AGBL4: variants seen among roughly 807,000 people sequenced by gnomAD.
AGBL4 encodes cytosolic carboxypeptidase 6.
In AGBL4, 58 loss-of-function variants were observed where a neutral mutation model predicts 66.4. That is an observed-to-expected ratio of 0.87 (90% confidence interval 0.71 to 1.09). AGBL4 has a LOEUF of 1.09. Ranked by LOEUF, AGBL4 falls within the 50% of genes least tolerant of loss-of-function variation. The pLI is 0.00. For synonymous variants in AGBL4, 234 were observed against 222.9 expected, an observed-to-expected ratio of 1.05 and a Z score of -0.44; for missense variants, 579 against 631.0, an observed-to-expected ratio of 0.92 and a Z score of 0.88.
chr1:48,627,514 G>A (rs1645524086), intron 9 of AGBL4, among the ~76,000 whole-genome samples: 1 of 151,334 alleles, frequency 6.6e-6, no homozygotes, highest in Admixed American at 6.6e-5. Flanking sequence ...TCAAGTAAAT[G>A]TGTTATAATT....
intron 3 of AGBL4, among the ~76,000 whole-genome samples, chr1:49,543,359 T>C (rs535035371): frequency 6.6e-6 from 1 of 152,194 alleles, no homozygotes; most frequent in Admixed American, 6.5e-5. Context: ...CCCTTCTCTA[T>C]TCCTTACAAC....
intron 5 of AGBL4, among the ~76,000 whole-genome samples, chr1:49,009,172 G>C (rs1188745944): frequency 1.3e-5 from 2 of 151,616 alleles, no homozygotes; most frequent in African/African-American, 4.8e-5. Flanking sequence ...TCAAATAGAC[G>C]CAATAAAAAA....
At chr1:48,959,669 A>C (rs1026257590) in intron 5 of AGBL4, among the ~76,000 whole-genome samples, 4 of 152,202 alleles carry the variant, frequency 2.6e-5, no homozygotes. Context: ...CTTTGAGCAG[A>C]GACATGAAGA....
chr1:49,167,087 C>T (rs1380683597), intron 4 of AGBL4, among the ~76,000 whole-genome samples: 1 of 152,238 alleles, frequency 6.6e-6, no homozygotes, highest in Non-Finnish European at 1.5e-5. Flanking sequence ...AGTTTTCCTA[C>T]AAAAAGCTTT....
chr1:49,192,315 C>T lies in AGBL4; in HGVS notation c.377+53455G>A, dbSNP rs929884414. The stretch of plus-strand genomic sequence containing the variant: ...TATAAATTTATTTATTTATTTATTT[C>T]GAGATGGAGTTTCACTCTTGTTGCC... On this transcript the variant is annotated intron_variant, in intron 4 of 13. Coordinates refer to ENST00000371839, the MANE Select transcript of AGBL4 (RefSeq NM_032785.4). Among the ~76,000 whole-genome samples the T allele has an allele frequency of 8.6e-5, 13 of 152,004 alleles. No individual in the cohort carries two copies. In the South Asian group the frequency reaches 1.7e-3, roughly 19 times the overall value.
At chr1:49,204,974 T>C (rs964727318) in intron 4 of AGBL4, among the ~76,000 whole-genome samples, 1 of 152,108 alleles carries the variant, frequency 6.6e-6, no homozygotes, top group African/African-American at 2.4e-5. Context: ...TGTCTCCTGA[T>C]GCTTTATCAC....
chr1:48,609,507 G>A (rs2148377753), intron 9 of AGBL4, among the ~76,000 whole-genome samples: 1 of 152,244 alleles, frequency 6.6e-6, no homozygotes, highest in Middle Eastern at 3.4e-3. Context: ...CTGCAGCCTT[G>A]ACCTCCTGGG....
At chr1:49,095,526 A>G (rs1645080587) in intron 4 of AGBL4, among the ~76,000 whole-genome samples, 1 of 152,240 alleles carries the variant, frequency 6.6e-6, no homozygotes, top group Admixed American at 6.5e-5. Flanking sequence ...GCCTTCAGAA[A>G]TAATGCAACA....
intron 2 of AGBL4, among the ~76,000 whole-genome samples, chr1:49,700,846 A>G (rs900770374): frequency 1.3e-5 from 2 of 152,182 alleles, no homozygotes; most frequent in South Asian, 4.1e-4. Flanking sequence ...ATAAAGATCA[A>G]TGATCCATGC....
At chr1:49,434,673 T>C (rs1645861178) in intron 3 of AGBL4, among the ~76,000 whole-genome samples, 3 of 151,378 alleles carry the variant, frequency 2.0e-5, no homozygotes, top group Admixed American at 2.0e-4. Flanking sequence ...GTGGTGGTGG[T>C]AGTGGTGGTA....
chr1:49,143,702 G>T (rs1181142819), intron 4 of AGBL4, among the ~76,000 whole-genome samples: 5 of 152,142 alleles, frequency 3.3e-5, no homozygotes, highest in African/African-American at 4.8e-5. Flanking sequence ...GTAACTCACA[G>T]ATCTCCTCAG....
chr1:49,734,042 A>T (rs893857135), intron 2 of AGBL4, among the ~76,000 whole-genome samples: 1 of 152,184 alleles, frequency 6.6e-6, no homozygotes, highest in African/African-American at 2.4e-5. Context: ...TAATAAGACC[A>T]TTTCAACAAA....
intron 2 of AGBL4, among the ~76,000 whole-genome samples, chr1:49,700,360 G>T (rs981020589): frequency 1.3e-5 from 2 of 151,394 alleles, no homozygotes; most frequent in African/African-American, 4.8e-5. Flanking sequence ...GATCTTTAAA[G>T]TATGTAAGTA....
At chr1:49,490,331 A>G (rs1647163549) in intron 3 of AGBL4, among the ~76,000 whole-genome samples, 1 of 151,810 alleles carries the variant, frequency 6.6e-6, no homozygotes, top group Non-Finnish European at 1.5e-5. Context: ...TAAATTAAAC[A>G]GTAATTAATG....
intron 5 of AGBL4, among the ~76,000 whole-genome samples, chr1:49,037,462 T>C (rs1341991400): frequency 6.6e-6 from 1 of 152,094 alleles, no homozygotes; most frequent in Non-Finnish European, 1.5e-5. Flanking sequence ...ACAGTCCAAA[T>C]TCTTTAATTC....
chr1:49,922,179 A>C lies in AGBL4; in HGVS notation c.35-70661T>G, dbSNP rs374951075. Reference sequence around the variant, plus strand: ...ATTGATTTGCCTATAGTGAACCAAGAATCCTGGGGATAAAGCCTACTTGAT... The same window carrying C: ...ATTGATTTGCCTATAGTGAACCAAGCATCCTGGGGATAAAGCCTACTTGAT... On this transcript the variant is annotated intron_variant, in intron 1 of 13. Coordinates refer to ENST00000371839, the MANE Select transcript of AGBL4 (RefSeq NM_032785.4). 2.8e-3 allele frequency among the ~76,000 whole-genome samples: 424 copies of C among 152,308 alleles called. 3 individuals are homozygous for C. Among genetic ancestry groups the C allele is most frequent in the South Asian group, 9.9e-3 (48 of 4,830 alleles).
At chr1:49,471,130 A>C (rs1395128622) in intron 3 of AGBL4, among the ~76,000 whole-genome samples, 1 of 152,174 alleles carries the variant, frequency 6.6e-6, no homozygotes, top group South Asian at 2.1e-4. Flanking sequence ...CAAGGAATAC[A>C]CATAACAATC....
intron 5 of AGBL4, among the ~76,000 whole-genome samples, chr1:48,937,693 C>T (rs17105276): frequency 0.15 from 22,881 of 152,052 alleles, 2,212 homozygotes; most frequent in African/African-American, 0.28. Flanking sequence ...AATCAGGCTT[C>T]AGCACATTAT....
At chr1:49,036,942 T>C (rs1664714108) in intron 5 of AGBL4, among the ~76,000 whole-genome samples, 7 of 152,038 alleles carry the variant, frequency 4.6e-5, no homozygotes, top group Admixed American at 4.6e-4. Context: ...CTTTTGAGGA[T>C]AGTGGGTCTT....
Sources: gnomAD v4.1 joint callset for allele counts (sites outside exome capture counted in the v4.1 genomes callset) on GRCh38, gnomAD v4.1.1 for gene constraint, MANE v1.5 for transcripts, NCBI Gene and HGNC (gene_info 2026-07-23, HGNC 2026-07-21) for gene names.